The following GPC5 variants were observed in gnomAD, a reference collection of about 807,000 sequenced individuals.
GPC5 encodes the protein glypican 5.
Under a neutral mutation model 53.9 loss-of-function variants are expected in GPC5, and 47 were observed. The observed-to-expected ratio is 0.87, with a 90% CI of 0.69 to 1.11. GPC5 has a LOEUF of 1.11. Ranked by LOEUF, GPC5 falls within the 50% of genes most tolerant of loss-of-function variation. The pLI is 0.00. For synonymous variants in GPC5, 286 were observed against 263.3 expected, an observed-to-expected ratio of 1.09 and a Z score of -0.84; for missense variants, 748 against 713.1, an observed-to-expected ratio of 1.05 and a Z score of -0.56.
chr13:92,853,396 C>A (rs1878879175), intron 7 of GPC5, among the ~76,000 whole-genome samples: 1 of 152,112 alleles, frequency 6.6e-6, no homozygotes, highest in Non-Finnish European at 1.5e-5. Context: ...ATTAAACCAT[C>A]TCATAAGTAT....
At position 91,927,651 on chromosome 13, in the gene GPC5, G is replaced by A. The variant is rs78867841; in HGVS notation, c.1401+19594G>A. Among the ~76,000 whole-genome samples, 948 of 152,224 alleles carry A rather than the reference G, an allele frequency of 6.2e-3. 9 individuals carry two copies. The highest frequency in any genetic ancestry group is 0.021 in the African/African-American group (893 of 41,552). ...AATCTAGGAAGAACAACTTATGGAA[G>A]TTTTGCTTACAGGATACTGGTGTTT... is the stretch of plus-strand genomic sequence containing the variant. On this transcript the variant is annotated intron_variant, in intron 6 of 7. Coordinates refer to ENST00000377067, the MANE Select transcript of GPC5 (RefSeq NM_004466.6).
At chr13:91,598,334 A>AC (rs2033066410) in intron 2 of GPC5, among the ~76,000 whole-genome samples, 1 of 151,294 alleles carries the variant, frequency 6.6e-6, no homozygotes, top group Non-Finnish European at 1.5e-5. Flanking sequence ...TTGAAAAAAA[A>AC]CTCTTAAATT....
At chr13:91,604,368 T>C (rs1413365030) in intron 2 of GPC5, among the ~76,000 whole-genome samples, 1 of 151,074 alleles carries the variant, frequency 6.6e-6, no homozygotes, top group Non-Finnish European at 1.5e-5. Flanking sequence ...GACATTTGGG[T>C]TGGTTCCAAG....
chr13:91,672,371 G>A (rs1309824406), intron 2 of GPC5, among the ~76,000 whole-genome samples: 1 of 152,058 alleles, frequency 6.6e-6, no homozygotes, highest in Non-Finnish European at 1.5e-5. Context: ...GAATTTACAA[G>A]GAACTTAAAC....
intron 7 of GPC5, among the ~76,000 whole-genome samples, chr13:92,353,280 A>AAAAAAAAAAAAAAG (rs2043495704): frequency 6.6e-6 from 1 of 150,480 alleles, no homozygotes; most frequent in South Asian, 2.1e-4. Context: ...AAAAAAAAAA[A>AAAAAAAAAAAAAAG]AAAAGAAATG....
At chr13:92,663,901 TATACAC>T (rs1886477705) in intron 7 of GPC5, among the ~76,000 whole-genome samples, 1 of 35,240 alleles carries the variant, frequency 2.8e-5, no homozygotes, top group African/African-American at 7.8e-5. Context: ...TATATATATA[TATACAC>T]ACACACACAC....
At chr13:92,442,850 A>T (rs527285999) in intron 7 of GPC5, among the ~76,000 whole-genome samples, 93 of 152,130 alleles carry the variant, frequency 6.1e-4, no homozygotes, top group Non-Finnish European at 1.1e-3. Flanking sequence ...ATCACAATAA[A>T]TTTTTTTTCT....
intron 6 of GPC5, among the ~76,000 whole-genome samples, chr13:92,124,078 A>G (rs2041673171): frequency 6.6e-6 from 1 of 151,902 alleles, no homozygotes; most frequent in South Asian, 2.1e-4. Flanking sequence ...TCTCAAAGGT[A>G]CATATAAACA....
chr13:91,443,909 A>G lies in GPC5; in HGVS notation c.164-4852A>G, dbSNP rs9583930. 7.4e-3 allele frequency among the ~76,000 whole-genome samples: 1,130 copies of G among 152,308 alleles called. 20 individuals carry two copies. In the South Asian group the frequency reaches 0.079, roughly 11 times the overall value. On this transcript the variant is annotated intron_variant, in intron 1 of 7. Transcript: ENST00000377067. ...AGATCCGGATTTTCAAGAATACAGG[A>G]TGGAATTAGAGGATAGAATTAGAAC... is the stretch of plus-strand genomic sequence containing the variant.
intron 7 of GPC5, among the ~76,000 whole-genome samples, chr13:92,351,369 A>T (rs918837227): frequency 3.3e-5 from 5 of 151,838 alleles, no homozygotes; most frequent in African/African-American, 1.2e-4. Context: ...ATTTCTACTT[A>T]ATGCATATTT....
Position 92,692,754 on chromosome 13 carries a change from A to ATTTTTTTTTTT in GPC5, c.1562-173516_1562-173506dup, listed in dbSNP as rs71272284. On this transcript the variant is annotated intron_variant, in intron 7 of 7. Coordinates refer to ENST00000377067, the MANE Select transcript of GPC5 (RefSeq NM_004466.6). ...CTCCAAAGCCTCACCAATATCGGCTATTTTTTTTTTTTTTTTTTTTTTACA... is the reference window on the plus strand; with the variant it reads ...CTCCAAAGCCTCACCAATATCGGCTATTTTTTTTTTTTTTTTTTTTTTTTTTTTTTTTTACA... Among the ~76,000 whole-genome samples, 148 of 81,016 alleles carry ATTTTTTTTTTT rather than the reference A, an allele frequency of 1.8e-3. 10 individuals are homozygous for ATTTTTTTTTTT. Among genetic ancestry groups the ATTTTTTTTTTT allele is most frequent in the African/African-American group, 6.5e-3 (134 of 20,726 alleles). The allele number at this position is 81,016 out of a possible 152,430, so 53.1% of individuals were successfully genotyped here.
intron 2 of GPC5, among the ~76,000 whole-genome samples, chr13:91,469,363 C>T (rs188575387): frequency 1.3e-5 from 2 of 152,252 alleles, no homozygotes; most frequent in Admixed American, 1.3e-4. Context: ...CATGCTTTGG[C>T]CTTCCAAAGT....
At chr13:92,453,429 G>A (rs1878143283) in intron 7 of GPC5, among the ~76,000 whole-genome samples, 1 of 152,036 alleles carries the variant, frequency 6.6e-6, no homozygotes, top group African/African-American at 2.4e-5. Flanking sequence ...AACAAGCAAA[G>A]GAAGAGCGGG....
intron 7 of GPC5, among the ~76,000 whole-genome samples, chr13:92,257,184 T>A (rs2042732255): frequency 6.6e-6 from 1 of 152,166 alleles, no homozygotes; most frequent in African/African-American, 2.4e-5. Context: ...CAAAGTCAAA[T>A]AACTATTTGA....
intron 7 of GPC5, among the ~76,000 whole-genome samples, chr13:92,609,859 C>T (rs1165786592): frequency 7.3e-5 from 11 of 151,710 alleles, no homozygotes; most frequent in South Asian, 2.1e-4. Flanking sequence ...GGTGAAATCC[C>T]GTCTCTACTA....
At chr13:92,438,383 A>AATAT (rs66984887) in intron 7 of GPC5, among the ~76,000 whole-genome samples, 38 of 123,726 alleles carry the variant, frequency 3.1e-4, no homozygotes, top group East Asian at 2.0e-3. Flanking sequence ...AAGCAAAATA[A>AATAT]ATATATATAT....
In GPC5 at chr13:91,955,032, T is replaced by A. The variant is rs565332586; in HGVS notation, c.1401+46975T>A. Among the ~76,000 whole-genome samples the A allele has an allele frequency of 3.1e-3, 471 of 152,250 alleles. 3 individuals carry two copies. The highest frequency in any genetic ancestry group is 0.011 in the African/African-American group (452 of 41,552). On this transcript the variant is annotated intron_variant, in intron 6 of 7. Coordinates refer to ENST00000377067, the MANE Select transcript of GPC5 (RefSeq NM_004466.6). ...TTAGGAATTAATCTAACTGAAGATA[T>A]ACAAGATGTATAGCATGAGACTATA...
chr13:92,694,219 A>G (rs1218619527), intron 7 of GPC5, among the ~76,000 whole-genome samples: 3 of 152,200 alleles, frequency 2.0e-5, no homozygotes, highest in African/African-American at 7.2e-5. Flanking sequence ...GAGAACCTCT[A>G]CTAGGGCAAT....
intron 2 of GPC5, among the ~76,000 whole-genome samples, chr13:91,632,056 C>G (rs1926661): frequency 6.6e-6 from 1 of 152,020 alleles, no homozygotes; most frequent in Non-Finnish European, 1.5e-5. Flanking sequence ...CCTCAGAAAG[C>G]CAACTGGTAC....
Sources: allele counts gnomAD v4.1 joint callset (sites outside exome capture counted in the v4.1 genomes callset), GRCh38; gene constraint gnomAD v4.1.1; transcripts MANE v1.5; gene names NCBI Gene and HGNC (gene_info 2026-07-23, HGNC 2026-07-21).